The following MSI2 variants were observed in gnomAD, a reference collection of about 807,000 sequenced individuals.
MSI2 encodes the protein RNA-binding protein Musashi homolog 2.
In MSI2, 17 loss-of-function variants were observed where a neutral mutation model predicts 45.6. That is an observed-to-expected ratio of 0.37 (90% CI 0.26 to 0.56). The LOEUF is 0.56. Ranked by LOEUF, MSI2 falls within the 20% of genes least tolerant of loss-of-function variation. MSI2 has a pLI of 0.77. For synonymous variants in MSI2, 156 were observed against 158.2 expected (o/e 0.99, Z 0.11); for missense variants, 293 against 444.2 (o/e 0.66, Z 3.06).
chr17:57,427,727 G>A (rs1208074803), intron 6 of MSI2, among the ~76,000 whole-genome samples: 10 of 152,074 alleles, frequency 6.6e-5, no homozygotes, highest in South Asian at 4.1e-4. Flanking sequence ...AATCTCATCC[G>A]CAGTATTCCT....
chr17:57,341,988 C>T (rs753723937), intron 5 of MSI2, among the ~76,000 whole-genome samples: 5 of 152,090 alleles, frequency 3.3e-5, no homozygotes, highest in Non-Finnish European at 5.9e-5. Context: ...GCCCTATTTT[C>T]AGCTGATTTG....
intron 11 of MSI2, among the ~76,000 whole-genome samples, chr17:57,669,501 A>C (rs1481501912): frequency 6.6e-6 from 1 of 152,194 alleles, no homozygotes; most frequent in Non-Finnish European, 1.5e-5. Flanking sequence ...AATAGGGGAG[A>C]CAGAGTCCTA....
At chr17:57,440,238 TG>T (rs2084772496) in intron 6 of MSI2, among the ~76,000 whole-genome samples, 1 of 152,184 alleles carries the variant, frequency 6.6e-6, no homozygotes, top group South Asian at 2.1e-4. Flanking sequence ...GGTGGCCAGC[TG>T]GGTCTGCCTG....
intron 6 of MSI2, among the ~76,000 whole-genome samples, chr17:57,409,048 G>A (rs1034438076): frequency 2.0e-5 from 3 of 151,966 alleles, no homozygotes; most frequent in Non-Finnish European, 2.9e-5. Flanking sequence ...TTACAGCTCC[G>A]TATATTCAGA....
intron 11 of MSI2, among the ~76,000 whole-genome samples, chr17:57,664,051 G>A (rs1912200581): frequency 6.6e-6 from 1 of 152,144 alleles, no homozygotes; most frequent in Admixed American, 6.5e-5. Flanking sequence ...AGGCAGAGTA[G>A]GGAATCAGAA....
intron 9 of MSI2, among the ~76,000 whole-genome samples, chr17:57,621,814 C>G (rs1471137558): frequency 6.6e-6 from 1 of 152,180 alleles, no homozygotes; most frequent in African/African-American, 2.4e-5. Context: ...ATGGGAATTC[C>G]TTAAAAGGAA....
intron 6 of MSI2, among the ~76,000 whole-genome samples, chr17:57,470,780 C>T (rs1168332298): frequency 6.6e-6 from 1 of 152,188 alleles, no homozygotes; most frequent in African/African-American, 2.4e-5. Flanking sequence ...GTGAAGAAGG[C>T]GGACCCTGAA....
At chr17:57,531,544 A>G (rs1448881075) in intron 7 of MSI2, among the ~76,000 whole-genome samples, 2 of 152,174 alleles carry the variant, frequency 1.3e-5, no homozygotes, top group Non-Finnish European at 2.9e-5. Flanking sequence ...ACTGCCAGCT[A>G]TTTATTTTCA....
intron 7 of MSI2, among the ~76,000 whole-genome samples, chr17:57,586,962 T>C (rs538113315): frequency 7.2e-5 from 11 of 152,268 alleles, no homozygotes; most frequent in Non-Finnish European, 1.5e-4. Context: ...TAGCTTGTCT[T>C]GAATTGGGAA....
intron 5 of MSI2, among the ~76,000 whole-genome samples, chr17:57,388,142 C>A (rs2083717482): frequency 6.6e-6 from 1 of 152,158 alleles, no homozygotes; most frequent in Non-Finnish European, 1.5e-5. Context: ...GAAAAATCAT[C>A]TTCCGTCCTT....
chr17:57,689,543 A>G (rs1913942958), downstream of MSI2, among the ~76,000 whole-genome samples: 1 of 152,232 alleles, frequency 6.6e-6, no homozygotes, highest in African/African-American at 2.4e-5. Context: ...ACATTGAGGT[A>G]TGAAATTACA....
intron 6 of MSI2, among the ~76,000 whole-genome samples, chr17:57,453,818 C>A (rs2085063040): frequency 1.3e-5 from 2 of 152,244 alleles, no homozygotes. Flanking sequence ...AGGATAGGTA[C>A]TGTCATCATT....
chr17:57,507,185 G>A (rs115451471), intron 6 of MSI2, among the ~76,000 whole-genome samples: 99,591 of 141,534 alleles, frequency 0.7, 37,696 homozygotes, highest in Non-Finnish European at 0.79. Context: ...TGGGGGGGGG[G>A]GGTGTAAATC....
chr17:57,575,960 A>AAAAAAAAAAG (rs1567910738), intron 7 of MSI2, among the ~76,000 whole-genome samples: 8 of 146,414 alleles, frequency 5.5e-5, no homozygotes, highest in South Asian at 2.2e-4. Flanking sequence ...AAAAAAAAAA[A>AAAAAAAAAAG]AAAAAAAAAA....
At chr17:57,640,292 A>T (rs1910151450) in intron 10 of MSI2, among the ~76,000 whole-genome samples, 1 of 152,184 alleles carries the variant, frequency 6.6e-6, no homozygotes, top group Non-Finnish European at 1.5e-5. Context: ...CTGTCAGATT[A>T]ACCCGCCAGA....
chr17:57,641,999 C>T (rs1441847786), intron 10 of MSI2, among the ~76,000 whole-genome samples: 1 of 152,248 alleles, frequency 6.6e-6, no homozygotes, highest in Non-Finnish European at 1.5e-5. Flanking sequence ...TGTAATGTGT[C>T]AGCCATTCTT....
chr17:57,565,434 C>T (rs1290441260), intron 7 of MSI2, among the ~76,000 whole-genome samples: 1 of 152,226 alleles, frequency 6.6e-6, no homozygotes, highest in Non-Finnish European at 1.5e-5. Context: ...TTGTCTCCAC[C>T]TGGAATGTCC....
intron 5 of MSI2, among the ~76,000 whole-genome samples, chr17:57,386,508 C>G (rs2083688437): frequency 6.6e-6 from 1 of 152,156 alleles, no homozygotes; most frequent in Non-Finnish European, 1.5e-5. Context: ...ATGTGCTAGG[C>G]ATTCTTTTAG....
At chr17:57,603,766 A>C (rs1302609575) in intron 8 of MSI2, among the ~76,000 whole-genome samples, 1 of 152,256 alleles carries the variant, frequency 6.6e-6, no homozygotes, top group African/African-American at 2.4e-5. Flanking sequence ...GCAAAAACTC[A>C]TGGCAGCTGG....
Sources: allele counts gnomAD v4.1 joint callset (sites outside exome capture counted in the v4.1 genomes callset), GRCh38; gene constraint gnomAD v4.1.1; transcripts MANE v1.5; gene names NCBI Gene and HGNC (gene_info 2026-07-23, HGNC 2026-07-21).